Variants in HLCS observed in about 807,000 individuals in gnomAD.
HLCS encodes biotin--protein ligase.
HLCS carries 53 observed loss-of-function variants against 75.0 expected under a neutral mutation model. That is an observed-to-expected ratio of 0.71 (90% confidence interval 0.57 to 0.89). HLCS has a LOEUF of 0.89. Among genes scored for constraint, HLCS ranks in the 40% least tolerant of loss-of-function variants. The pLI is 0.00. For missense variants in HLCS, 966 were observed against 1,074.0 expected (o/e 0.90, Z 1.41); for synonymous variants, 431 against 428.6 (o/e 1.01, Z -0.07).
At chr21:36,921,169 G>A (rs945716963) in intron 5 of HLCS, among the ~76,000 whole-genome samples, 2 of 152,156 alleles carry the variant, frequency 1.3e-5, no homozygotes, top group Non-Finnish European at 2.9e-5. Flanking sequence ...ACTTTCAGCC[G>A]GGCACAGTGG....
chr21:36,933,765 C>A (rs943218245), intron 4 of HLCS, among the ~76,000 whole-genome samples: 1 of 152,076 alleles, frequency 6.6e-6, no homozygotes, highest in Non-Finnish European at 1.5e-5. Flanking sequence ...CCCACTAGAG[C>A]CGAAGGGATG....
chr21:36,768,528 T>C (rs1348649319), intron 6 of HLCS, among the ~76,000 whole-genome samples: 1 of 152,196 alleles, frequency 6.6e-6, no homozygotes. Context: ...TGACGGCGCA[T>C]GCAGGCCTCA....
chr21:36,882,108 C>T (rs2064245674), intron 6 of HLCS, among the ~76,000 whole-genome samples: 1 of 151,892 alleles, frequency 6.6e-6, no homozygotes, highest in Non-Finnish European at 1.5e-5. Flanking sequence ...CGGTGAAACC[C>T]CGTCTCTACT....
At chr21:36,934,632 G>A (rs2066796262) in intron 4 of HLCS, among the ~76,000 whole-genome samples, 1 of 152,130 alleles carries the variant, frequency 6.6e-6, no homozygotes, top group African/African-American at 2.4e-5. Context: ...GAATGGCAAA[G>A]GCATCAAATC....
intron 5 of HLCS, among the ~76,000 whole-genome samples, chr21:36,903,863 G>A (rs528831453): frequency 1.3e-5 from 2 of 152,246 alleles, no homozygotes; most frequent in South Asian, 2.1e-4. Context: ...TTGGAGGTGG[G>A]GCCTTTGGGA....
chr21:36,963,286 C>T (rs1047137701), intron 1 of HLCS, among the ~76,000 whole-genome samples: 16 of 152,054 alleles, frequency 1.1e-4, no homozygotes, highest in African/African-American at 3.6e-4. Flanking sequence ...GAAATCTGAG[C>T]GGGGTATGCA....
At chr21:36,812,786 C>T (rs993861906) in intron 6 of HLCS, among the ~76,000 whole-genome samples, 4 of 152,160 alleles carry the variant, frequency 2.6e-5, no homozygotes, top group Non-Finnish European at 4.4e-5. Flanking sequence ...AGGGCTGGCG[C>T]GGTGGCTCCC....
chr21:36,882,583 GGT>G (rs969969056), intron 6 of HLCS, among the ~76,000 whole-genome samples: 23 of 151,022 alleles, frequency 1.5e-4, no homozygotes, highest in African/African-American at 5.1e-4. Context: ...TGGGACTATA[GGT>G]GCGTGTCACC....
At chr21:36,908,807 T>C (rs1465603306) in intron 5 of HLCS, among the ~76,000 whole-genome samples, 4 of 152,164 alleles carry the variant, frequency 2.6e-5, no homozygotes, top group Non-Finnish European at 2.9e-5. Context: ...TAGATGACGT[T>C]TCAGAAAAGG....
intron 1 of HLCS, among the ~76,000 whole-genome samples, chr21:36,985,046 AC>A: frequency 6.6e-6 from 1 of 152,208 alleles, no homozygotes; most frequent in South Asian, 2.1e-4. Flanking sequence ...ATGACCCTTC[AC>A]CCTAGTACTT....
At chr21:36,900,404 G>T (rs554460627) in intron 5 of HLCS, among the ~76,000 whole-genome samples, 1 of 152,242 alleles carries the variant, frequency 6.6e-6, no homozygotes, top group Non-Finnish European at 1.5e-5. Context: ...GCCTGATCAG[G>T]GCACAGCATT....
chr21:36,935,315 T>C (rs2066830517), intron 4 of HLCS, among the ~76,000 whole-genome samples: 1 of 152,232 alleles, frequency 6.6e-6, no homozygotes, highest in Admixed American at 6.5e-5. Flanking sequence ...TCTGTCCTAA[T>C]GTCCAAATTC....
rs1368425058 is a variant in HLCS at position 36,931,591 on chromosome 21, A to C, written c.1438-1158T>G. Among the ~76,000 whole-genome samples, 36 of 152,150 alleles carry C rather than the reference A, an allele frequency of 2.4e-4. 1 individual carries two copies. The highest frequency in any genetic ancestry group is 1.5e-5 in the Non-Finnish European group (1 of 68,006). ...ATAGTGAAACCCTGTCTCTACAAAA[A>C]ATACAAAAATTAGCCAGGCGTGGGT... On this transcript the variant is annotated intron_variant, in intron 4 of 10. Transcript: ENST00000674895.
chr21:36,866,222 A>AG (rs5843781), intron 6 of HLCS, among the ~76,000 whole-genome samples: 152,168 of 152,176 alleles, frequency 1, 76,080 homozygotes, highest in Middle Eastern at 1. Context: ...GGGAATGGTA[A>AG]GGGAAGGGCA....
chr21:36,960,393 G>A (rs1349868004), intron 2 of HLCS, among the ~76,000 whole-genome samples: 9 of 152,032 alleles, frequency 5.9e-5, no homozygotes, highest in African/African-American at 2.2e-4. Flanking sequence ...ACCTAGCAAG[G>A]GCTCAATAAA....
intron 10 of HLCS, 25 bp downstream of exon 10, chr21:36,756,517 A>G (rs964874998): frequency 7.0e-7 from 1 of 1,423,302 alleles, no homozygotes. Flanking sequence ...GGAGTTGAAA[A>G]GAATGAAGAT....
chr21:36,960,229 T>G (rs1280166713), intron 2 of HLCS, among the ~76,000 whole-genome samples: 2 of 147,940 alleles, frequency 1.4e-5, no homozygotes, highest in Non-Finnish European at 3.0e-5. Flanking sequence ...GCTGGTAGAA[T>G]GAGCTGAGTG....
At chr21:36,894,050 G>A (rs747809809) in intron 6 of HLCS, among the ~76,000 whole-genome samples, 14 of 152,184 alleles carry the variant, frequency 9.2e-5, no homozygotes, top group Middle Eastern at 3.2e-3. Flanking sequence ...TGATTTGATC[G>A]TAGAGGTGGA....
intron 10 of HLCS, among the ~76,000 whole-genome samples, chr21:36,754,679 T>C (rs779344595): frequency 6.6e-6 from 1 of 152,218 alleles, no homozygotes; most frequent in Non-Finnish European, 1.5e-5. Flanking sequence ...CTCCTAATTC[T>C]GGTCATCTGC....
Sources: gnomAD v4.1 joint callset for allele counts (sites outside exome capture counted in the v4.1 genomes callset) on GRCh38, gnomAD v4.1.1 for gene constraint, MANE v1.5 for transcripts, NCBI Gene and HGNC (gene_info 2026-07-23, HGNC 2026-07-21) for gene names.